The following SH3D19 variants were observed in gnomAD, a reference collection of about 807,000 sequenced individuals.
The protein encoded by SH3D19 is SH3 domain-containing protein 19.
SH3D19 carries 58 observed loss-of-function variants against 112.1 expected under a neutral mutation model. The observed-to-expected ratio is 0.52, with a 90% confidence interval of 0.42 to 0.64. SH3D19 has a LOEUF of 0.64. Ranked by LOEUF, SH3D19 falls within the 30% of genes least tolerant of loss-of-function variation. The pLI is 0.00. For synonymous variants in SH3D19, 391 were observed against 448.5 expected (o/e 0.87, Z 1.62); for missense variants, 1,090 against 1,263.4 (o/e 0.86, Z 2.08).
intron 1 of SH3D19, among the ~76,000 whole-genome samples, chr4:151,230,251 T>A (rs1054264046): frequency 6.6e-6 from 1 of 152,218 alleles, no homozygotes; most frequent in Admixed American, 6.5e-5. Flanking sequence ...GCTACGCAGA[T>A]CCTACTGATG....
intron 2 of SH3D19, among the ~76,000 whole-genome samples, chr4:151,225,749 AAGGG>A (rs1256871452): frequency 6.6e-6 from 1 of 152,212 alleles, no homozygotes; most frequent in Non-Finnish European, 1.5e-5. Context: ...ATACTGGTTA[AAGGG>A]AGGGGAGGAA....
intron 2 of SH3D19, among the ~76,000 whole-genome samples, chr4:151,190,751 GA>G (rs1392266735): frequency 6.6e-6 from 1 of 152,224 alleles, no homozygotes; most frequent in Non-Finnish European, 1.5e-5. Context: ...CTCTCAAGGA[GA>G]ACCTCTGATA....
chr4:151,198,102 G>A (rs957496940), intron 2 of SH3D19, among the ~76,000 whole-genome samples: 2 of 151,514 alleles, frequency 1.3e-5, no homozygotes, highest in Non-Finnish European at 1.5e-5. Context: ...TTAGCAGATC[G>A]AGACAATCCT....
chr4:151,171,588 C>T (rs1759078955), intron 7 of SH3D19, among the ~76,000 whole-genome samples: 1 of 152,126 alleles, frequency 6.6e-6, no homozygotes, highest in Non-Finnish European at 1.5e-5. Context: ...CTCTTTACAC[C>T]TATATCCGCA....
intron 1 of SH3D19, among the ~76,000 whole-genome samples, chr4:151,308,321 A>G (rs1366439067): frequency 6.6e-6 from 1 of 152,266 alleles, no homozygotes; most frequent in Non-Finnish European, 1.5e-5. Context: ...CTCTTCCCTC[A>G]GGAATCTCAC....
chr4:151,287,606 G>C (rs184341731), intron 1 of SH3D19, among the ~76,000 whole-genome samples: 1 of 152,218 alleles, frequency 6.6e-6, no homozygotes, highest in East Asian at 1.9e-4. Context: ...GGGTATGTGG[G>C]TTCTTTTTAG....
intron 1 of SH3D19, among the ~76,000 whole-genome samples, chr4:151,248,422 T>C (rs548652017): frequency 3.3e-5 from 5 of 152,356 alleles, no homozygotes; most frequent in African/African-American, 9.6e-5. Flanking sequence ...TTAGTTTGCA[T>C]TGAATAGAGA....
intron 1 of SH3D19, among the ~76,000 whole-genome samples, chr4:151,240,085 G>A (rs1004942659): frequency 1.4e-5 from 2 of 147,538 alleles, no homozygotes; most frequent in African/African-American, 2.5e-5. Flanking sequence ...GGCAACATAC[G>A]GAGATCCTAT....
intron 14 of SH3D19, among the ~76,000 whole-genome samples, chr4:151,135,603 T>A (rs1372649155): frequency 6.6e-6 from 1 of 151,974 alleles, no homozygotes; most frequent in Admixed American, 6.6e-5. Flanking sequence ...AATTTTTGTA[T>A]TTTTAGTAGA....
At chr4:151,325,145 G>T in intron 1 of SH3D19, 96 bp downstream of exon 1, 1 of 595,326 alleles carries the variant, frequency 1.7e-6, no homozygotes, top group Non-Finnish European at 2.4e-6. Context: ...TCCCATCCCG[G>T]CGCGTGAAGG....
At chr4:151,241,799 C>T (rs1770579940) in intron 1 of SH3D19, among the ~76,000 whole-genome samples, 2 of 151,928 alleles carry the variant, frequency 1.3e-5, no homozygotes, top group African/African-American at 4.9e-5. Context: ...AATGGTTGAG[C>T]TGTTCATTTT....
chr4:151,277,184 T>A (rs202007257), intron 1 of SH3D19: 1 of 1,491,492 alleles, frequency 6.7e-7, no homozygotes, highest in Non-Finnish European at 9.0e-7. Flanking sequence ...TGGGCCCTGC[T>A]GGCTGTGCCT....
chr4:151,177,752 T>C (rs1422017331), intron 4 of SH3D19, among the ~76,000 whole-genome samples: 1 of 152,240 alleles, frequency 6.6e-6, no homozygotes, highest in Non-Finnish European at 1.5e-5. Context: ...TTCACAGTTA[T>C]GTTTAAGTGT....
chr4:151,192,051 TCTC>T (rs1473340531), intron 2 of SH3D19, among the ~76,000 whole-genome samples: 1 of 150,300 alleles, frequency 6.7e-6, no homozygotes, highest in African/African-American at 2.5e-5. Flanking sequence ...TTCACGCCAT[TCTC>T]CTGCTTCAGC....
intron 1 of SH3D19, among the ~76,000 whole-genome samples, chr4:151,254,347 A>C (rs966626025): frequency 1.3e-5 from 2 of 149,584 alleles, no homozygotes; most frequent in African/African-American, 2.4e-5. Flanking sequence ...TTTTATTGAT[A>C]ATTCTTGGGT....
intron 1 of SH3D19, among the ~76,000 whole-genome samples, chr4:151,321,660 T>C (rs1730544738): frequency 6.6e-6 from 1 of 152,202 alleles, no homozygotes. Context: ...AATTTAACAA[T>C]CTGTGTTGGG....
At position 151,312,897 on chromosome 4, in the gene SH3D19, T is replaced by C. The variant is rs978382734; in HGVS notation, c.112+12344A>G. On this transcript the variant is annotated intron_variant, in intron 1 of 19. Transcript: ENST00000604030. ...GCCTGGGTGACAGAGCAAGACTCCA[T>C]CTCAAAAAAAAAAAAAATAAATAAA... 4.7e-4 allele frequency among the ~76,000 whole-genome samples: 68 copies of C among 144,838 alleles called. 1 individual carries two copies. Among genetic ancestry groups the C allele is most frequent in the Admixed American group, 4.3e-3 (62 of 14,334 alleles).
At position 151,176,557 on chromosome 4, in the gene SH3D19, TC is replaced by T; in HGVS notation, c.505del (p.Glu169LysfsTer2). On this transcript the variant is annotated frameshift_variant, in exon 6 of 20. Coordinates refer to ENST00000604030, the MANE Select transcript of SH3D19 (RefSeq NM_001378122.1). LOFTEE classifies it high-confidence loss of function. ...ACTTTGAGGCAGATCGTTGTCTATT[TC>T]TTCTGAAAAGTCAGTCTGAGTTGCA... ...TSATQTDFSE[E>X]IDNDLPQTLQ... The T allele has an allele frequency of 8.1e-7, 1 of 1,232,164 alleles. No individual in the cohort carries two copies. Among genetic ancestry groups the T allele is most frequent in the Non-Finnish European group, 1.0e-6 (1 of 987,952 alleles). The allele number at this position is 1,232,164 out of a possible 1,614,324, so 76.3% of individuals were successfully genotyped here. A position where few individuals can be genotyped will look rare whatever the true frequency, so the allele number is the denominator to read the frequency against.
At chr4:151,253,761 A>AAACAAC (rs368369876) in intron 1 of SH3D19, among the ~76,000 whole-genome samples, 3 of 151,794 alleles carry the variant, frequency 2.0e-5, no homozygotes, top group African/African-American at 7.3e-5. Flanking sequence ...AAAAACAAGA[A>AAACAAC]AACAACAACA....
Sources: gnomAD v4.1 joint callset for allele counts (sites outside exome capture counted in the v4.1 genomes callset) on GRCh38, gnomAD v4.1.1 for gene constraint, MANE v1.5 for transcripts, NCBI Gene and HGNC (gene_info 2026-07-23, HGNC 2026-07-21) for gene names.